Variants in DACH1 observed in about 807,000 individuals in gnomAD.
DACH1 encodes dachshund homolog 1.
DACH1 carries 12 observed loss-of-function variants against 54.2 expected under a neutral mutation model. The observed-to-expected ratio is 0.22, with a 90% CI of 0.14 to 0.36. The LOEUF (loss-of-function observed/expected upper bound fraction) is 0.36. DACH1 is among the 10% of genes least tolerant of loss of function. The pLI is 1.00. For synonymous variants in DACH1, 386 were observed against 366.2 expected, an observed-to-expected ratio of 1.05 and a Z score of -0.62; for missense variants, 805 against 929.8, an observed-to-expected ratio of 0.87 and a Z score of 1.75.
intron 3 of DACH1, among the ~76,000 whole-genome samples, chr13:71,618,800 C>T (rs543043160): frequency 1.8e-4 from 27 of 151,626 alleles, no homozygotes; most frequent in Non-Finnish European, 3.5e-4. Flanking sequence ...ATAATAAATG[C>T]TTTATTGATG....
At chr13:71,694,029 A>C (rs1268073618) in intron 1 of DACH1, among the ~76,000 whole-genome samples, 1 of 152,186 alleles carries the variant, frequency 6.6e-6, no homozygotes, top group Non-Finnish European at 1.5e-5. Flanking sequence ...GAGGGTAAAA[A>C]AACCTATTAA....
intron 1 of DACH1, among the ~76,000 whole-genome samples, chr13:71,839,883 C>T (rs1195525875): frequency 3.3e-5 from 5 of 152,038 alleles, no homozygotes; most frequent in Non-Finnish European, 5.9e-5. Context: ...CAAGTCTTTC[C>T]ATTTTAGTTT....
intron 3 of DACH1, among the ~76,000 whole-genome samples, chr13:71,612,934 T>C (rs2138520395): frequency 6.6e-6 from 1 of 152,332 alleles, no homozygotes; most frequent in East Asian, 1.9e-4. Flanking sequence ...TGTTGAATAA[T>C]TGACTGATAG....
At chr13:71,705,845 T>C (rs1245581383) in intron 1 of DACH1, among the ~76,000 whole-genome samples, 1 of 152,044 alleles carries the variant, frequency 6.6e-6, no homozygotes, top group African/African-American at 2.4e-5. Flanking sequence ...TATCATATGG[T>C]TCATACAAAT....
chr13:71,665,144 A>G (rs1482526916), intron 2 of DACH1, among the ~76,000 whole-genome samples: 1 of 152,040 alleles, frequency 6.6e-6, no homozygotes, highest in Admixed American at 6.6e-5. Flanking sequence ...TATAACGTTC[A>G]GAAATAACTC....
At chr13:71,634,853 T>C (rs948644195) in intron 2 of DACH1, among the ~76,000 whole-genome samples, 2 of 152,170 alleles carry the variant, frequency 1.3e-5, no homozygotes, top group African/African-American at 4.8e-5. Context: ...TTGAGGCCTC[T>C]GCAACTGTAT....
intron 10 of DACH1, among the ~76,000 whole-genome samples, chr13:71,463,863 G>A (rs773660941): frequency 1.3e-5 from 2 of 151,620 alleles, no homozygotes; most frequent in African/African-American, 2.4e-5. Context: ...TCCCTTGAAC[G>A]TATACTATTT....
At position 71,706,480 on chromosome 13, in the gene DACH1, C is replaced by T. The variant is rs192440536; in HGVS notation, c.849-24570G>A. ...AAGACATAATTTCCCAGTTTGTTTGCTATTTATTTTTAATTATCTGAAATT... is the reference window on the plus strand; with the variant it reads ...AAGACATAATTTCCCAGTTTGTTTGTTATTTATTTTTAATTATCTGAAATT... On this transcript the variant is annotated intron_variant, in intron 1 of 10. Transcript: ENST00000613252. Among the ~76,000 whole-genome samples, 48 of 152,068 alleles carry T rather than the reference C, an allele frequency of 3.2e-4. 1 individual carries two copies. The East Asian group carries it at 7.2e-3, about 23-fold the overall frequency.
chr13:71,801,103 C>T (rs1482613430), intron 1 of DACH1, among the ~76,000 whole-genome samples: 1 of 152,122 alleles, frequency 6.6e-6, no homozygotes, highest in Non-Finnish European at 1.5e-5. Context: ...GGAGAATCCA[C>T]TCTTTTCCCT....
chr13:71,735,446 T>C lies in DACH1; in HGVS notation c.849-53536A>G, dbSNP rs113235618. Among the ~76,000 whole-genome samples the C allele has an allele frequency of 1.4e-3, 36 of 26,072 alleles. 8 individuals carry two copies. The highest frequency in any genetic ancestry group is 3.0e-3 in the Non-Finnish European group (15 of 5,018). The allele number at this position is 26,072 out of a possible 152,430, so 17.1% of individuals were successfully genotyped here. A position where few individuals can be genotyped will look rare whatever the true frequency, so the allele number is the denominator to read the frequency against. ...GGATATACACGTATACGGATATACG[T>C]GTATATGGGATATACACGTATACGG... On this transcript the variant is annotated intron_variant, in intron 1 of 10. Coordinates refer to ENST00000613252, the MANE Select transcript of DACH1 (RefSeq NM_080759.6).
At chr13:71,683,406 G>T (rs977353718) in intron 1 of DACH1, among the ~76,000 whole-genome samples, 1 of 151,978 alleles carries the variant, frequency 6.6e-6, no homozygotes. Context: ...AAGAATAAAA[G>T]AAAATTACAC....
At chr13:71,442,872 G>A (rs1874132198) in intron 10 of DACH1, among the ~76,000 whole-genome samples, 1 of 151,656 alleles carries the variant, frequency 6.6e-6, no homozygotes, top group African/African-American at 2.4e-5. Flanking sequence ...TCAAAATACT[G>A]TAACATTTTC....
At chr13:71,792,497 T>C (rs931971381) in intron 1 of DACH1, among the ~76,000 whole-genome samples, 2 of 152,160 alleles carry the variant, frequency 1.3e-5, no homozygotes, top group East Asian at 1.9e-4. Context: ...TTAGTTTTGA[T>C]AATAGACAAT....
At chr13:71,676,766 C>A (rs1880601666) in intron 2 of DACH1, among the ~76,000 whole-genome samples, 1 of 152,060 alleles carries the variant, frequency 6.6e-6, no homozygotes, top group African/African-American at 2.4e-5. Context: ...TTGCCCCGGT[C>A]CAGTATTTTT....
chr13:71,714,702 A>C (rs1038523672), intron 1 of DACH1, among the ~76,000 whole-genome samples: 1 of 152,080 alleles, frequency 6.6e-6, no homozygotes, highest in Non-Finnish European at 1.5e-5. Context: ...GTAATATAAA[A>C]AATATTACTG....
chr13:71,862,337 C>T (rs192791530), intron 1 of DACH1, among the ~76,000 whole-genome samples: 1 of 152,124 alleles, frequency 6.6e-6, no homozygotes, highest in East Asian at 1.9e-4. Flanking sequence ...TGACCATGTA[C>T]ATAATTACTT....
intron 1 of DACH1, among the ~76,000 whole-genome samples, chr13:71,779,199 ATATATGTGTATATATATACGTATATACG>A (rs1886227327): frequency 8.5e-6 from 1 of 118,218 alleles, no homozygotes; most frequent in African/African-American, 3.9e-5. Context: ...GTATATACGT[ATATATGTGTATATATATACGTATATACG>A]TATATATACA....
At chr13:71,540,407 G>A (rs1043092340) in intron 6 of DACH1, among the ~76,000 whole-genome samples, 10 of 152,096 alleles carry the variant, frequency 6.6e-5, no homozygotes, top group African/African-American at 2.4e-4. Flanking sequence ...CAAGTTGGCA[G>A]AAAAATAGAT....
intron 10 of DACH1, among the ~76,000 whole-genome samples, chr13:71,443,459 T>TA (rs1174291518): frequency 6.6e-6 from 1 of 151,746 alleles, no homozygotes; most frequent in Non-Finnish European, 1.5e-5. Flanking sequence ...AATGAAAAAA[T>TA]AAAAAAGAAA....
Sources: allele counts gnomAD v4.1 joint callset (sites outside exome capture counted in the v4.1 genomes callset), GRCh38; gene constraint gnomAD v4.1.1; transcripts MANE v1.5; gene names NCBI Gene and HGNC (gene_info 2026-07-23, HGNC 2026-07-21).